The following MROH9 variants were observed in gnomAD, a reference collection of about 807,000 sequenced individuals.
The protein encoded by MROH9 is maestro heat like repeat family member 9.
Under a neutral mutation model 98.2 loss-of-function variants are expected in MROH9, and 92 were observed. The ratio of observed to expected loss-of-function variants is 0.94; its 90% CI spans 0.79 to 1.11. The LOEUF (loss-of-function observed/expected upper bound fraction) is 1.11. MROH9 is among the 50% of genes most tolerant of loss of function. MROH9 has a pLI of 0.00. For synonymous variants in MROH9, 397 were observed against 368.9 expected (o/e 1.08, Z -0.87); for missense variants, 1,057 against 1,014.8 (o/e 1.04, Z -0.57).
At chr1:171,028,268 A>G (rs1652793120) in intron 20 of MROH9, among the ~76,000 whole-genome samples, 2 of 152,162 alleles carry the variant, frequency 1.3e-5, no homozygotes, top group African/African-American at 2.4e-5. Context: ...TCGCAGCACC[A>G]TTTACTGAAT....
intron 20 of MROH9, among the ~76,000 whole-genome samples, chr1:171,052,220 G>A (rs557398232): frequency 1.5e-4 from 23 of 152,226 alleles, no homozygotes; most frequent in Non-Finnish European, 2.5e-4. Flanking sequence ...GTATTCCTGC[G>A]GAATCAGTTG....
intron 15 of MROH9, among the ~76,000 whole-genome samples, chr1:171,006,513 T>C (rs1310730011): frequency 6.6e-6 from 1 of 151,910 alleles, no homozygotes; most frequent in Admixed American, 6.6e-5. Context: ...CTCTCTCTCC[T>C]CCCCCAACTT....
intron 6 of MROH9, among the ~76,000 whole-genome samples, chr1:170,964,582 G>A (rs1285861018): frequency 1.3e-5 from 2 of 151,946 alleles, no homozygotes; most frequent in African/African-American, 4.8e-5. Flanking sequence ...TTGCCTCTGA[G>A]GATTAAGAAC....
chr1:170,996,655 G>C lies in MROH9; in HGVS notation c.1475+11G>C, dbSNP rs767809032. 1.9e-6 allele frequency: 3 copies of C among 1,612,690 alleles called. No homozygotes were observed. Among genetic ancestry groups the C allele is most frequent in the Admixed American group, 1.7e-5 (1 of 59,926 alleles). ...CTGCTTTATTGCTAAGTAAGAACAG[G>C]GGTCTCTGTGTAGGATTCTTGGTCT... On this transcript the variant is annotated intron_variant, in intron 14 of 21. Transcript: ENST00000367759.
intron 20 of MROH9, among the ~76,000 whole-genome samples, chr1:171,028,006 T>C (rs1169616235): frequency 2.0e-5 from 3 of 152,162 alleles, no homozygotes; most frequent in Non-Finnish European, 2.9e-5. Flanking sequence ...TCAGTCTTTG[T>C]CTTTTGCTGT....
chr1:170,952,749 T>TAA (rs902663907), intron 3 of MROH9, among the ~76,000 whole-genome samples: 49 of 147,998 alleles, frequency 3.3e-4, no homozygotes, highest in Admixed American at 1.1e-3. Context: ...TAAAGTATAA[T>TAA]AAAAAATATA....
chr1:170,966,609 A>G (rs1357855983), intron 7 of MROH9, among the ~76,000 whole-genome samples: 5 of 152,068 alleles, frequency 3.3e-5, no homozygotes, highest in African/African-American at 1.2e-4. Context: ...AATTTTTACT[A>G]TTTTGTTTAA....
intron 7 of MROH9, among the ~76,000 whole-genome samples, chr1:170,969,328 G>T (rs1478403224): frequency 6.6e-6 from 1 of 151,960 alleles, no homozygotes; most frequent in Non-Finnish European, 1.5e-5. Flanking sequence ...AGGCACAAAA[G>T]GCTACATTTT....
chr1:170,945,552 T>C lies in MROH9; in HGVS notation c.-5T>C. ...AGTAGAAGACTTTAATACACCTCTG[T>C]CAGCATGTTGACAAGGAATCCAAAA... On this transcript the variant is annotated 5_prime_UTR_variant, in exon 2 of 22. Transcript: ENST00000367759. 6.2e-7 allele frequency: 1 copy of C among 1,612,164 alleles called. No individual in the cohort carries two copies. The highest frequency in any genetic ancestry group is 8.5e-7 in the Non-Finnish European group (1 of 1,178,862).
chr1:171,001,768 G>A (rs1651790912), intron 15 of MROH9, among the ~76,000 whole-genome samples: 1 of 152,084 alleles, frequency 6.6e-6, no homozygotes, highest in Non-Finnish European at 1.5e-5. Flanking sequence ...TTGTTCCAAT[G>A]TATAGTTTAA....
chr1:171,034,519 C>A (rs185851610), intron 20 of MROH9, among the ~76,000 whole-genome samples: 275 of 152,316 alleles, frequency 1.8e-3, no homozygotes, highest in Non-Finnish European at 3.3e-3. Context: ...GGGTACAACA[C>A]TTAATGTCCA....
chr1:170,998,709 T>C (rs1485778758), intron 15 of MROH9: 2 of 1,033,638 alleles, frequency 1.9e-6, no homozygotes, highest in African/African-American at 3.4e-5. Context: ...CATATTACTT[T>C]GTATATCAAT....
At chr1:170,989,584 G>A (rs1651273185) in intron 10 of MROH9, among the ~76,000 whole-genome samples, 1 of 152,190 alleles carries the variant, frequency 6.6e-6, no homozygotes, top group African/African-American at 2.4e-5. Flanking sequence ...TATTTCTTAT[G>A]TAATGAATTC....
intron 3 of MROH9, among the ~76,000 whole-genome samples, chr1:170,950,289 A>G (rs913229251): frequency 2.0e-5 from 3 of 152,070 alleles, no homozygotes; most frequent in African/African-American, 7.2e-5. Context: ...ATTTAGTACT[A>G]ACAATAATTA....
chr1:171,044,972 C>CTTTGTTTTTTTTTT (rs1653417135), intron 20 of MROH9, among the ~76,000 whole-genome samples: 1 of 45,674 alleles, frequency 2.2e-5, no homozygotes, highest in African/African-American at 6.9e-5. Context: ...CTGCTCTGAT[C>CTTTGTTTTTTTTTT]TTTTTTTTTT....
chr1:170,944,207 T>C (rs939210464), intron 1 of MROH9, among the ~76,000 whole-genome samples: 4 of 151,908 alleles, frequency 2.6e-5, no homozygotes, highest in Admixed American at 6.6e-5. Flanking sequence ...TGCTCATAGT[T>C]GGGAATCAAC....
At chr1:170,959,674 G>A in intron 5 of MROH9, 77 bp downstream of exon 5, 1 of 1,397,632 alleles carries the variant, frequency 7.2e-7, no homozygotes, top group Non-Finnish European at 9.7e-7. Flanking sequence ...GACTCAGCAG[G>A]TGATAATCTT....
At chr1:170,960,532 T>G (rs1240761347) in intron 5 of MROH9, among the ~76,000 whole-genome samples, 1 of 152,206 alleles carries the variant, frequency 6.6e-6, no homozygotes, top group Non-Finnish European at 1.5e-5. Context: ...AATACCCACA[T>G]AGCATACAAT....
chr1:171,001,935 A>C (rs1049908120), intron 15 of MROH9, among the ~76,000 whole-genome samples: 2 of 151,964 alleles, frequency 1.3e-5, no homozygotes, highest in Non-Finnish European at 2.9e-5. Flanking sequence ...ATTAGGTGCA[A>C]ATATGTTTAG....
Sources: gnomAD v4.1 joint callset for allele counts (sites outside exome capture counted in the v4.1 genomes callset) on GRCh38, gnomAD v4.1.1 for gene constraint, MANE v1.5 for transcripts, NCBI Gene and HGNC (gene_info 2026-07-23, HGNC 2026-07-21) for gene names.